Variants in ARHGAP24 observed in about 807,000 individuals in gnomAD.
ARHGAP24 encodes rho GTPase-activating protein 24.
In ARHGAP24, 50 loss-of-function variants were observed where a neutral mutation model predicts 76.4. The ratio of observed to expected loss-of-function variants is 0.65; its 90% CI spans 0.52 to 0.83. The LOEUF (loss-of-function observed/expected upper bound fraction) is 0.83, where lower values mean the gene tolerates loss of function less well. ARHGAP24 is among the 40% of genes least tolerant of loss of function. ARHGAP24 has a pLI of 0.00. For missense variants in ARHGAP24, 930 were observed against 914.2 expected (o/e 1.02, Z -0.22); for synonymous variants, 345 against 323.3 (o/e 1.07, Z -0.72).
chr4:85,811,228 G>T (rs1384281574), intron 3 of ARHGAP24, among the ~76,000 whole-genome samples: 1 of 152,184 alleles, frequency 6.6e-6, no homozygotes, highest in Non-Finnish European at 1.5e-5. Flanking sequence ...TGTGACTAAT[G>T]TGAGTCTAAA....
chr4:85,943,360 A>T (rs1261774152), intron 5 of ARHGAP24, among the ~76,000 whole-genome samples: 1 of 152,212 alleles, frequency 6.6e-6, no homozygotes, highest in Non-Finnish European at 1.5e-5. Context: ...GGCACTGGCA[A>T]ATCCGTGTCT....
chr4:85,949,124 A>G (rs1313459680), intron 5 of ARHGAP24, among the ~76,000 whole-genome samples: 2 of 152,142 alleles, frequency 1.3e-5, no homozygotes, highest in African/African-American at 4.8e-5. Context: ...AGCACCGTTT[A>G]ATAAGCATTT....
intron 6 of ARHGAP24, 100 bp from the exon 7 acceptor site, chr4:85,974,788 T>A: frequency 9.3e-7 from 1 of 1,074,252 alleles, no homozygotes; most frequent in Non-Finnish European, 1.4e-6. Flanking sequence ...TGATAACATG[T>A]GAAACTAATT....
At position 85,485,376 on chromosome 4, in the gene ARHGAP24, AATATATATATATATATATAT is replaced by A. The variant is rs56176066; in HGVS notation, c.-21+9836_-21+9855del. On this transcript the variant is annotated intron_variant, in intron 1 of 9. Coordinates refer to ENST00000395184, the MANE Select transcript of ARHGAP24 (RefSeq NM_001025616.3). ...AAAAAAAAAAAAAAAAAAAAAAAAA[AATATATATATATATATATAT>A]ATATATATATATATATATCTCCTTG... is the stretch of plus-strand genomic sequence containing the variant. Among the ~76,000 whole-genome samples, 10 of 45,068 alleles carry A rather than the reference AATATATATATATATATATAT, an allele frequency of 2.2e-4. 1 individual carries two copies. The highest frequency in any genetic ancestry group is 1.8e-3 in the South Asian group (1 of 570). The allele number at this position is 45,068 out of a possible 152,430, so 29.6% of individuals were successfully genotyped here. A position where few individuals can be genotyped will look rare whatever the true frequency, so the allele number is the denominator to read the frequency against.
rs963632634 is a variant in ARHGAP24, at chr4:85,713,521, G to A, written c.181-8364G>A. On this transcript the variant is annotated intron_variant, in intron 2 of 9. Coordinates refer to ENST00000395184, the MANE Select transcript of ARHGAP24 (RefSeq NM_001025616.3). ...TTTTCAACGTCCTACATCTATGTTT[G>A]ATGGATAAATGAATAAGTGAAGGAG... Among the ~76,000 whole-genome samples, 5 of 152,148 alleles carry A rather than the reference G, an allele frequency of 3.3e-5. No individual in the cohort carries two copies. In the East Asian group the frequency reaches 9.7e-4, roughly 29 times the overall value.
rs182299834 is a variant in ARHGAP24, at chr4:85,579,002, A to G, written c.180+8281A>G. The stretch of plus-strand genomic sequence containing the variant: ...TATTACATGGAAAGATTTCAGAACA[A>G]TACTCTCCTTTGTAGTATGTCTTTT... On this transcript the variant is annotated intron_variant, in intron 2 of 9. Coordinates refer to ENST00000395184, the MANE Select transcript of ARHGAP24 (RefSeq NM_001025616.3). Among the ~76,000 whole-genome samples, 147 of 152,222 alleles carry G rather than the reference A, an allele frequency of 9.7e-4. 1 individual carries two copies. Among genetic ancestry groups the G allele is most frequent in the African/African-American group, 3.3e-3 (139 of 41,544 alleles).
At chr4:85,785,562 A>G (rs1256947204) in intron 3 of ARHGAP24, among the ~76,000 whole-genome samples, 1 of 151,950 alleles carries the variant, frequency 6.6e-6, no homozygotes, top group Non-Finnish European at 1.5e-5. Context: ...TTTAACAATT[A>G]CAAACTACAT....
At chr4:85,482,992 G>A (rs370509107) in intron 1 of ARHGAP24, among the ~76,000 whole-genome samples, 14 of 152,132 alleles carry the variant, frequency 9.2e-5, no homozygotes, top group African/African-American at 3.4e-4. Flanking sequence ...GCAACCTTGG[G>A]GAGGTTGCAT....
chr4:85,545,474 G>T (rs1458697157), intron 1 of ARHGAP24, among the ~76,000 whole-genome samples: 3 of 152,122 alleles, frequency 2.0e-5, no homozygotes, highest in South Asian at 2.1e-4. Context: ...AGGACCTAGC[G>T]CATGAGCCTC....
intron 3 of ARHGAP24, among the ~76,000 whole-genome samples, chr4:85,757,747 G>A (rs1468791792): frequency 6.6e-6 from 1 of 152,182 alleles, no homozygotes; most frequent in African/African-American, 2.4e-5. Flanking sequence ...TGGGATTGCT[G>A]AGTCAAATGG....
intron 3 of ARHGAP24, among the ~76,000 whole-genome samples, chr4:85,857,327 A>T (rs550127894): frequency 6.6e-6 from 1 of 152,244 alleles, no homozygotes; most frequent in Non-Finnish European, 1.5e-5. Flanking sequence ...AAACCTTGTC[A>T]TGTATATAAA....
intron 3 of ARHGAP24, among the ~76,000 whole-genome samples, chr4:85,746,603 G>A (rs144612183): frequency 2.0e-5 from 3 of 152,056 alleles, no homozygotes; most frequent in East Asian, 1.9e-4. Flanking sequence ...TTAACCACAC[G>A]CCTGAACAGG....
chr4:85,950,078 G>A (rs1324871668), intron 5 of ARHGAP24, among the ~76,000 whole-genome samples: 2 of 152,156 alleles, frequency 1.3e-5, no homozygotes, highest in Admixed American at 6.5e-5. Flanking sequence ...AGATTCGAAT[G>A]ACAAGAGGCC....
intron 1 of ARHGAP24, among the ~76,000 whole-genome samples, chr4:85,479,533 C>T (rs1408244647): frequency 1.3e-5 from 2 of 152,066 alleles, no homozygotes; most frequent in Non-Finnish European, 2.9e-5. Context: ...AAAATAGAAA[C>T]ACTAATTTTG....
intron 3 of ARHGAP24, among the ~76,000 whole-genome samples, chr4:85,755,760 G>A (rs4693127): frequency 0.17 from 25,253 of 151,096 alleles, 2,627 homozygotes; most frequent in East Asian, 0.48. Context: ...AGCGTCCTGA[G>A]TAGCTGGGAT....
chr4:85,902,584 G>A (rs1355208463), intron 3 of ARHGAP24, among the ~76,000 whole-genome samples: 1 of 152,088 alleles, frequency 6.6e-6, no homozygotes, highest in Admixed American at 6.5e-5. Flanking sequence ...TTCCCCTTGG[G>A]CTGGATCATA....
At chr4:85,661,627 A>G (rs902067428) in intron 2 of ARHGAP24, among the ~76,000 whole-genome samples, 1 of 152,142 alleles carries the variant, frequency 6.6e-6, no homozygotes, top group Non-Finnish European at 1.5e-5. Context: ...TTAACTGGTC[A>G]TTTAGCATTA....
chr4:85,784,781 A>G (rs1363041767), intron 3 of ARHGAP24, among the ~76,000 whole-genome samples: 1 of 151,572 alleles, frequency 6.6e-6, no homozygotes. Flanking sequence ...TTTCCTTTTT[A>G]TTTCCATGGC....
intron 3 of ARHGAP24, among the ~76,000 whole-genome samples, chr4:85,809,374 T>C: frequency 6.6e-6 from 1 of 152,224 alleles, no homozygotes; most frequent in East Asian, 1.9e-4. Flanking sequence ...TCTGGTTATA[T>C]ATTCATATTT....
Sources: gnomAD v4.1 joint callset for allele counts (sites outside exome capture counted in the v4.1 genomes callset) on GRCh38, gnomAD v4.1.1 for gene constraint, MANE v1.5 for transcripts, NCBI Gene and HGNC (gene_info 2026-07-23, HGNC 2026-07-21) for gene names.